Variants in CRHR1 observed in about 807,000 individuals in gnomAD.
CRHR1 encodes corticotropin-releasing hormone receptor 1.
Under a neutral mutation model 56.0 loss-of-function variants are expected in CRHR1, and 28 were observed. The observed-to-expected ratio is 0.50, with a 90% CI of 0.37 to 0.69. The LOEUF is 0.69. Among genes scored for constraint, CRHR1 ranks in the 30% least tolerant of loss-of-function variants. The pLI, the probability that CRHR1 is intolerant of heterozygous loss-of-function variation, is 0.00. For missense variants in CRHR1, 376 were observed against 548.0 expected (o/e 0.69, Z 3.13); for synonymous variants, 195 against 216.5 (o/e 0.90, Z 0.87).
At chr17:45,785,985 G>A (rs770395018) in intron 1 of CRHR1, among the ~76,000 whole-genome samples, 2 of 152,212 alleles carry the variant, frequency 1.3e-5, no homozygotes, top group Non-Finnish European at 2.9e-5. Context: ...AACATCCAGA[G>A]AGGTCGAGTA....
At chr17:45,785,711 G>A (rs922866363) in intron 1 of CRHR1, among the ~76,000 whole-genome samples, 3 of 152,138 alleles carry the variant, frequency 2.0e-5, no homozygotes, top group Non-Finnish European at 4.4e-5. Flanking sequence ...TACGTATACC[G>A]GCTTACCAAG....
chr17:45,821,612 C>T (rs889942667), intron 4 of CRHR1, among the ~76,000 whole-genome samples, 172 bp downstream of exon 4: 7 of 152,324 alleles, frequency 4.6e-5, no homozygotes, highest in East Asian at 1.9e-4. Flanking sequence ...CATGAGCAGG[C>T]GCCCTCGAGG....
chr17:45,786,207 G>C (rs1464696737), intron 1 of CRHR1, among the ~76,000 whole-genome samples: 1 of 148,390 alleles, frequency 6.7e-6, no homozygotes, highest in Non-Finnish European at 1.5e-5. Flanking sequence ...GCAAATCTCT[G>C]TTTAGAATGA....
intron 1 of CRHR1, among the ~76,000 whole-genome samples, chr17:45,793,870 C>T (rs547007291): frequency 1.3e-5 from 2 of 152,146 alleles, no homozygotes; most frequent in Non-Finnish European, 2.9e-5. Flanking sequence ...TTTACTGGAC[C>T]GACCACAATG....
At chr17:45,797,525 A>C (rs2061544273) in intron 1 of CRHR1, among the ~76,000 whole-genome samples, 1 of 151,364 alleles carries the variant, frequency 6.6e-6, no homozygotes, top group Non-Finnish European at 1.5e-5. Context: ...TGATCCGCCC[A>C]CCTCGGCCTC....
At chr17:45,788,183 G>C (rs531838927) in intron 1 of CRHR1, among the ~76,000 whole-genome samples, 1 of 152,316 alleles carries the variant, frequency 6.6e-6, no homozygotes, top group South Asian at 2.1e-4. Flanking sequence ...GTTAGGTGCC[G>C]GGCTGATAAT....
intron 2 of CRHR1, among the ~76,000 whole-genome samples, chr17:45,807,518 C>T (rs1271107838): frequency 1.3e-5 from 2 of 152,192 alleles, no homozygotes; most frequent in Admixed American, 6.5e-5. Flanking sequence ...GGTGCTAACC[C>T]GTGCCAGGCA....
chr17:45,828,400 C>G (rs115045401), intron 4 of CRHR1, among the ~76,000 whole-genome samples: 5 of 152,336 alleles, frequency 3.3e-5, no homozygotes, highest in Admixed American at 2.6e-4. Flanking sequence ...TCCGGCTCCC[C>G]CCACGGGGTT....
chr17:45,812,930 C>T lies in CRHR1; in HGVS notation c.122-3533C>T, dbSNP rs557103079. Among the ~76,000 whole-genome samples, 104 of 152,298 alleles carry T rather than the reference C, an allele frequency of 6.8e-4. 1 individual carries two copies. The highest frequency in any genetic ancestry group is 1.5e-3 in the Admixed American group (23 of 15,302). ...TGGTTTATATTATAGTAGTGTCCAA[C>T]AAATGATCCCCCTCAAGTCCTATAC... On this transcript the variant is annotated intron_variant, in intron 2 of 12. Coordinates refer to ENST00000314537, the MANE Select transcript of CRHR1 (RefSeq NM_004382.5).
At chr17:45,819,107 C>G (rs1038998222) in intron 3 of CRHR1, among the ~76,000 whole-genome samples, 9 of 152,194 alleles carry the variant, frequency 5.9e-5, no homozygotes, top group Non-Finnish European at 1.3e-4. Flanking sequence ...TCCACCGGTA[C>G]CCTTTGATGG....
At chr17:45,797,725 G>A (rs2061547790) in intron 1 of CRHR1, among the ~76,000 whole-genome samples, 1 of 152,134 alleles carries the variant, frequency 6.6e-6, no homozygotes, top group South Asian at 2.1e-4. Flanking sequence ...AGGTAGGAGG[G>A]GGCAGATAAA....
intron 1 of CRHR1, among the ~76,000 whole-genome samples, chr17:45,790,100 G>A (rs967234699): frequency 4.6e-5 from 7 of 152,166 alleles, no homozygotes; most frequent in Non-Finnish European, 1.0e-4. Flanking sequence ...CTGCGTCAGA[G>A]CACTTTTCAC....
chr17:45,817,922 A>G (rs2061961819), intron 3 of CRHR1, among the ~76,000 whole-genome samples: 3 of 152,154 alleles, frequency 2.0e-5, no homozygotes, highest in African/African-American at 7.2e-5. Context: ...ATTTTGTAAT[A>G]AGGAAATTGA....
intron 1 of CRHR1, among the ~76,000 whole-genome samples, chr17:45,794,570 C>G (rs2061484650): frequency 6.6e-6 from 1 of 152,216 alleles, no homozygotes; most frequent in African/African-American, 2.4e-5. Context: ...GAAGGAAGAA[C>G]CCTTGTCCAG....
At chr17:45,820,892 A>G (rs985758227) in intron 3 of CRHR1, among the ~76,000 whole-genome samples, 1 of 152,180 alleles carries the variant, frequency 6.6e-6, no homozygotes, top group African/African-American at 2.4e-5. Context: ...GCCACCTGCC[A>G]CGCGAGCTGT....
intron 1 of CRHR1, among the ~76,000 whole-genome samples, chr17:45,790,649 G>C (rs2061409683): frequency 6.6e-6 from 1 of 152,174 alleles, no homozygotes; most frequent in African/African-American, 2.4e-5. Flanking sequence ...TGTGGGGTGT[G>C]CATCTGCCCC....
chr17:45,797,945 C>T (rs1038846985), intron 1 of CRHR1, among the ~76,000 whole-genome samples: 22 of 152,104 alleles, frequency 1.4e-4, no homozygotes, highest in African/African-American at 5.1e-4. Flanking sequence ...GTGCTTCCCA[C>T]CCAGAGTGCT....
At chr17:45,810,424 A>T (rs2061800090) in intron 2 of CRHR1, among the ~76,000 whole-genome samples, 1 of 152,222 alleles carries the variant, frequency 6.6e-6, no homozygotes, top group Admixed American at 6.5e-5. Flanking sequence ...ACAGTAGAGG[A>T]ACCTAAGGCT....
chr17:45,821,611 GC>G (rs1433716078), intron 4 of CRHR1, among the ~76,000 whole-genome samples, 171 bp downstream of exon 4: 1 of 152,222 alleles, frequency 6.6e-6, no homozygotes, highest in African/African-American at 2.4e-5. Context: ...CCATGAGCAG[GC>G]GCCCTCGAGG....
Sources: gnomAD v4.1 joint callset for allele counts (sites outside exome capture counted in the v4.1 genomes callset) on GRCh38, gnomAD v4.1.1 for gene constraint, MANE v1.5 for transcripts, NCBI Gene and HGNC (gene_info 2026-07-23, HGNC 2026-07-21) for gene names.